The following PRKCA variants were observed in gnomAD, a reference collection of about 807,000 sequenced individuals.
The protein encoded by PRKCA is protein kinase C alpha, also known as protein kinase C alpha type.
PRKCA carries 27 observed loss-of-function variants against 87.0 expected under a neutral mutation model. That is an observed-to-expected ratio of 0.31 (90% CI 0.23 to 0.43). The LOEUF (loss-of-function observed/expected upper bound fraction) is 0.43. PRKCA is among the 20% of genes least tolerant of loss of function. The pLI is 1.00. For synonymous variants in PRKCA, 329 were observed against 311.1 expected (o/e 1.06, Z -0.61); for missense variants, 518 against 852.3 (o/e 0.61, Z 4.88).
chr17:66,444,220 G>A (rs1005118110), intron 2 of PRKCA, among the ~76,000 whole-genome samples: 4 of 152,174 alleles, frequency 2.6e-5, no homozygotes, highest in African/African-American at 9.7e-5. Context: ...TGCTGACCTG[G>A]CTCTACAGGT....
chr17:66,393,643 T>TGTGTGCAC (rs1910495690), intron 2 of PRKCA, among the ~76,000 whole-genome samples: 1 of 142,066 alleles, frequency 7.0e-6, no homozygotes, highest in African/African-American at 2.9e-5. Flanking sequence ...TGTGTGCACG[T>TGTGTGCAC]GTGTGTGTGT....
intron 3 of PRKCA, among the ~76,000 whole-genome samples, chr17:66,558,247 C>T (rs1003316853): frequency 6.6e-6 from 1 of 152,248 alleles, no homozygotes; most frequent in Non-Finnish European, 1.5e-5. Context: ...GAAGCATAAA[C>T]ATTTCCCCTC....
intron 3 of PRKCA, among the ~76,000 whole-genome samples, chr17:66,497,931 A>G (rs571556524): frequency 6.6e-6 from 1 of 152,344 alleles, no homozygotes; most frequent in African/African-American, 2.4e-5. Flanking sequence ...GAGGCAAGAT[A>G]GAGTGCCTGT....
intron 2 of PRKCA, among the ~76,000 whole-genome samples, chr17:66,314,403 T>C (rs1190397674): frequency 6.6e-6 from 1 of 152,186 alleles, no homozygotes; most frequent in African/African-American, 2.4e-5. Context: ...AAAAACTCTT[T>C]ATTAAATTAT....
chr17:66,615,162 G>A (rs931514444), intron 3 of PRKCA, among the ~76,000 whole-genome samples: 1 of 152,200 alleles, frequency 6.6e-6, no homozygotes, highest in Non-Finnish European at 1.5e-5. Context: ...TCCCAGCTGA[G>A]TGGCCTCCCT....
chr17:66,633,093 C>G (rs940710504), intron 3 of PRKCA, among the ~76,000 whole-genome samples: 3 of 152,138 alleles, frequency 2.0e-5, no homozygotes, highest in African/African-American at 7.2e-5. Flanking sequence ...TGGTCAGAGG[C>G]CAAGTGCGAT....
At chr17:66,756,767 G>A (rs1974558148) in intron 13 of PRKCA, among the ~76,000 whole-genome samples, 1 of 152,016 alleles carries the variant, frequency 6.6e-6, no homozygotes, top group Admixed American at 6.5e-5. Context: ...GTTCAAGCGA[G>A]TCTCCGGCCT....
intron 2 of PRKCA, among the ~76,000 whole-genome samples, chr17:66,387,404 T>G (rs976461630): frequency 6.6e-6 from 1 of 152,030 alleles, no homozygotes; most frequent in African/African-American, 2.4e-5. Context: ...GAGAAGTGAG[T>G]ATAAGAGGCA....
intron 2 of PRKCA, among the ~76,000 whole-genome samples, chr17:66,392,385 A>C (rs1910419057): frequency 6.6e-6 from 1 of 152,258 alleles, no homozygotes; most frequent in African/African-American, 2.4e-5. Context: ...ATACCGGTTT[A>C]CAGTGTTTGG....
chr17:66,732,874 C>G, intron 9 of PRKCA, 49 bp downstream of exon 9: 2 of 1,587,728 alleles, frequency 1.3e-6, no homozygotes, highest in Non-Finnish European at 1.7e-6. Context: ...CAGAGAATGT[C>G]GAATCAGTTT....
intron 13 of PRKCA, among the ~76,000 whole-genome samples, chr17:66,765,115 TA>T (rs1974768412): frequency 1.3e-5 from 2 of 152,110 alleles, no homozygotes; most frequent in Non-Finnish European, 2.9e-5. Flanking sequence ...AATTTATTAA[TA>T]AAAACATTTA....
chr17:66,446,663 A>G (rs1914054370), intron 2 of PRKCA, among the ~76,000 whole-genome samples: 3 of 152,152 alleles, frequency 2.0e-5, no homozygotes, highest in Admixed American at 6.5e-5. Context: ...AGGGGCCTGC[A>G]CACTTAAACC....
intron 2 of PRKCA, among the ~76,000 whole-genome samples, chr17:66,410,947 T>G (rs1911758267): frequency 6.6e-6 from 1 of 152,206 alleles, no homozygotes; most frequent in South Asian, 2.1e-4. Context: ...GACAGGAGTT[T>G]GCTTTTGCTT....
intron 2 of PRKCA, among the ~76,000 whole-genome samples, chr17:66,406,609 T>TTTTTTTTTTTTTTA (rs1911414201): frequency 6.9e-6 from 1 of 145,674 alleles, no homozygotes; most frequent in East Asian, 2.0e-4. Context: ...TTTTTTTTTT[T>TTTTTTTTTTTTTTA]AAATGTCATA....
intron 2 of PRKCA, among the ~76,000 whole-genome samples, chr17:66,495,355 G>A (rs1166754683): frequency 1.3e-5 from 2 of 152,026 alleles, no homozygotes; most frequent in Non-Finnish European, 2.9e-5. Context: ...GATTGCATTT[G>A]TGTCTGAATG....
At chr17:66,387,389 A>T (rs561216094) in intron 2 of PRKCA, among the ~76,000 whole-genome samples, 2 of 152,298 alleles carry the variant, frequency 1.3e-5, no homozygotes, top group African/African-American at 4.8e-5. Flanking sequence ...GAAAACTAGG[A>T]GAGAGAGAAG....
intron 2 of PRKCA, among the ~76,000 whole-genome samples, chr17:66,422,168 T>C (rs1912532324): frequency 6.6e-6 from 1 of 152,174 alleles, no homozygotes; most frequent in Non-Finnish European, 1.5e-5. Flanking sequence ...CTCTTGCCTT[T>C]CTAAAAGGTC....
intron 3 of PRKCA, among the ~76,000 whole-genome samples, chr17:66,613,779 CTTTTTTT>C (rs57610655): frequency 1.6e-4 from 11 of 69,416 alleles, no homozygotes; most frequent in Non-Finnish European, 2.2e-4. Context: ...TGACTTCATC[CTTTTTTT>C]TTTTTTTTTT....
chr17:66,715,711 G>A (rs1370318738), intron 8 of PRKCA, among the ~76,000 whole-genome samples: 2 of 152,198 alleles, frequency 1.3e-5, no homozygotes, highest in Non-Finnish European at 2.9e-5. Flanking sequence ...GAGTGATTCA[G>A]GTCATCTACT....
Sources: gnomAD v4.1 joint callset for allele counts (sites outside exome capture counted in the v4.1 genomes callset) on GRCh38, gnomAD v4.1.1 for gene constraint, MANE v1.5 for transcripts, NCBI Gene and HGNC (gene_info 2026-07-23, HGNC 2026-07-21) for gene names.